The following EPB41 variants were observed in gnomAD, a reference collection of about 807,000 sequenced individuals.
EPB41 encodes erythrocyte membrane protein band 4.1.
In EPB41, 65 loss-of-function variants were observed where a neutral mutation model predicts 108.0. The ratio of observed to expected loss-of-function variants is 0.60; its 90% CI spans 0.49 to 0.74. The LOEUF (loss-of-function observed/expected upper bound fraction) is 0.74. EPB41 is among the 30% of genes least tolerant of loss of function. The pLI, the probability that EPB41 is intolerant of heterozygous loss-of-function variation, is 0.00. For synonymous variants in EPB41, 336 were observed against 358.9 expected (o/e 0.94, Z 0.72); for missense variants, 875 against 1,037.0 (o/e 0.84, Z 2.15).
At position 29,118,950 on chromosome 1, in the gene EPB41, G is replaced by A. The variant is rs1156969562; in HGVS notation, c.*2138G>A. The A allele has an allele frequency of 1.3e-5, 2 of 152,308 alleles. No homozygotes were observed. Among genetic ancestry groups the A allele is most frequent in the African/African-American group, 2.4e-5 (1 of 41,450 alleles). The allele number at this position is 152,308 out of a possible 1,614,324, so 9.4% of individuals were successfully genotyped here. A position where few individuals can be genotyped will look rare whatever the true frequency, so the allele number is the denominator to read the frequency against. On this transcript the variant is annotated 3_prime_UTR_variant, in exon 21 of 21. Coordinates refer to ENST00000343067, the MANE Select transcript of EPB41 (RefSeq NM_001376013.1). ...ACCAGGGCTTCCAGACCTGTGGAAC[G>A]AAGAGGATGGGGAAAAGGCAGAGGG...
chr1:29,088,929 G>T (rs1660228781), intron 16 of EPB41, among the ~76,000 whole-genome samples: 1 of 152,280 alleles, frequency 6.6e-6, no homozygotes, highest in African/African-American at 2.4e-5. Context: ...GAGCATCATA[G>T]TGAGAGCCTA....
intron 16 of EPB41, among the ~76,000 whole-genome samples, chr1:29,094,569 T>C (rs1365536167): frequency 2.0e-5 from 3 of 152,238 alleles, no homozygotes; most frequent in Non-Finnish European, 2.9e-5. Context: ...TGAACCACCA[T>C]GCCCAGCCTA....
At chr1:29,040,884 G>A (rs147814928) in intron 11 of EPB41, among the ~76,000 whole-genome samples, 296 of 151,796 alleles carry the variant, frequency 1.9e-3, no homozygotes, top group African/African-American at 6.8e-3. Context: ...ACCTATAATC[G>A]CAGCACTTTG....
chr1:28,902,300 A>G lies in EPB41; in HGVS notation c.-8+15090A>G, dbSNP rs187051811. The G allele has an allele frequency of 1.3e-5, 13 of 985,376 alleles. 2 individuals are homozygous for G. In the Admixed American group the frequency reaches 3.7e-4, roughly 28 times the overall value. 61.0% of individuals were successfully genotyped at this position (985,376 alleles called of 1,614,324 possible). On this transcript the variant is annotated intron_variant, in intron 1 of 16. Coordinates refer to the EPB41 transcript ENST00000347529. The stretch of plus-strand genomic sequence containing the variant: ...GCATCAGTTTCAATTGGAGTGCCCA[A>G]ATCTTTTGTTCTGGAGCCCGAGCTT...
intron 19 of EPB41, among the ~76,000 whole-genome samples, chr1:29,114,381 G>A (rs1018927632): frequency 4.6e-5 from 7 of 152,170 alleles, no homozygotes; most frequent in African/African-American, 1.2e-4. Context: ...GTTGGCTCAC[G>A]CCTATAATCC....
At chr1:28,933,936 G>A (rs981634260) in intron 1 of EPB41, among the ~76,000 whole-genome samples, 4 of 152,104 alleles carry the variant, frequency 2.6e-5, no homozygotes, top group Non-Finnish European at 2.9e-5. Flanking sequence ...TTAGTAAACT[G>A]ATATTGATAC....
At chr1:28,993,215 C>A (rs2096069599) in intron 2 of EPB41, 115 bp from the exon 3 acceptor site, 1 of 821,268 alleles carries the variant, frequency 1.2e-6, no homozygotes, top group South Asian at 1.5e-5. Flanking sequence ...ATTAATGTCA[C>A]CTATATTTGT....
rs546041879 is a variant in EPB41, at chr1:29,089,629, A to G, written c.2185-8178A>G. Among the ~76,000 whole-genome samples, 3 of 152,342 alleles carry G rather than the reference A, an allele frequency of 2.0e-5. No homozygotes were observed. In the East Asian group the frequency reaches 5.8e-4, roughly 29 times the overall value. ...GTGTGGACTTCCAGGCAGAAGGAATAAGATTTACAAAGGCACAGAGATAAT... is the reference window on the plus strand; with the variant it reads ...GTGTGGACTTCCAGGCAGAAGGAATGAGATTTACAAAGGCACAGAGATAAT... On this transcript the variant is annotated intron_variant, in intron 16 of 20. Coordinates refer to ENST00000343067, the MANE Select transcript of EPB41 (RefSeq NM_001376013.1).
chr1:29,042,927 A>G (rs1378825252), intron 11 of EPB41, among the ~76,000 whole-genome samples: 1 of 152,178 alleles, frequency 6.6e-6, no homozygotes, highest in Non-Finnish European at 1.5e-5. Context: ...ACATCTGGTA[A>G]ATGGAAGTGC....
chr1:29,107,701 A>AT (rs1184627995), intron 17 of EPB41, among the ~76,000 whole-genome samples: 1 of 151,766 alleles, frequency 6.6e-6, no homozygotes, highest in Non-Finnish European at 1.5e-5. Flanking sequence ...AAATACAAAA[A>AT]TTAGCCAGGC....
chr1:29,053,747 G>A (rs1335958792), intron 12 of EPB41: 1 of 175,046 alleles, frequency 5.7e-6, no homozygotes, highest in Non-Finnish European at 1.2e-5. Context: ...TTTTAGTAGA[G>A]ACGGGGTTTC....
chr1:28,993,602 C>T lies in EPB41; in HGVS notation c.681+60C>T, dbSNP rs892635690. ...TTACAGGTGGTTTCATCTAGAGTTG[C>T]GTAAGTGGTGATTTTGCCCACGATA... is the stretch of plus-strand genomic sequence containing the variant. On this transcript the variant is annotated intron_variant, in intron 3 of 20. Coordinates refer to ENST00000343067, the MANE Select transcript of EPB41 (RefSeq NM_001376013.1). The T allele has an allele frequency of 9.5e-5, 140 of 1,477,108 alleles. No individual in the cohort carries two copies. In the East Asian group the frequency reaches 2.1e-3, roughly 22 times the overall value. The allele number at this position is 1,477,108 out of a possible 1,614,324, so 91.5% of individuals were successfully genotyped here.
chr1:29,052,468 T>C (rs1644690793), intron 11 of EPB41, among the ~76,000 whole-genome samples: 1 of 152,236 alleles, frequency 6.6e-6, no homozygotes, highest in Admixed American at 6.5e-5. Context: ...GTTTGAGGAC[T>C]GACAGTCAAA....
At chr1:29,083,972 A>G (rs1371167884) in intron 16 of EPB41, among the ~76,000 whole-genome samples, 1 of 152,206 alleles carries the variant, frequency 6.6e-6, no homozygotes, top group African/African-American at 2.4e-5. Flanking sequence ...TTAAGTGACT[A>G]TGATATTTAT....
chr1:28,981,106 G>T (rs1392512679), intron 1 of EPB41, among the ~76,000 whole-genome samples: 2 of 152,150 alleles, frequency 1.3e-5, no homozygotes, highest in African/African-American at 4.8e-5. Flanking sequence ...AACTGCATCT[G>T]TCTGAAGAAA....
At chr1:28,986,887 T>A (rs2095879532) in intron 1 of EPB41, among the ~76,000 whole-genome samples, 1 of 152,240 alleles carries the variant, frequency 6.6e-6, no homozygotes, top group Admixed American at 6.5e-5. Flanking sequence ...TGTTATCCAG[T>A]CTTACAACAA....
chr1:29,070,573 C>A, intron 16 of EPB41: 1 of 1,232,116 alleles, frequency 8.1e-7, no homozygotes, highest in Non-Finnish European at 1.0e-6. Context: ...TGTCTTTTCT[C>A]GTGATCCTTG....
At chr1:29,058,130 TTC>T (rs1419586102) in intron 12 of EPB41, among the ~76,000 whole-genome samples, 2 of 152,246 alleles carry the variant, frequency 1.3e-5, no homozygotes, top group African/African-American at 2.4e-5. Context: ...ACTAAAGATT[TTC>T]TTTTTCTTCC....
Position 29,090,104 on chromosome 1 carries a change from A to G in EPB41, c.2185-7703A>G, listed in dbSNP as rs149663113. On this transcript the variant is annotated intron_variant, in intron 16 of 20. Transcript: ENST00000343067. Reference sequence around the variant, plus strand: ...CATGGTGAAACCCTGTCTCAACTAAAAATACAAAAATTAGCTGGGCATGGT... The same window carrying G: ...CATGGTGAAACCCTGTCTCAACTAAGAATACAAAAATTAGCTGGGCATGGT... Among the ~76,000 whole-genome samples, 1,497 of 152,168 alleles carry G rather than the reference A, an allele frequency of 9.8e-3. 9 individuals carry two copies. Among genetic ancestry groups the G allele is most frequent in the Non-Finnish European group, 0.018 (1,204 of 67,994 alleles).
Sources: allele counts gnomAD v4.1 joint callset (sites outside exome capture counted in the v4.1 genomes callset), GRCh38; gene constraint gnomAD v4.1.1; transcripts MANE v1.5; gene names NCBI Gene and HGNC (gene_info 2026-07-23, HGNC 2026-07-21).